NREP: variants seen among roughly 807,000 people sequenced by gnomAD.
NREP encodes the protein neuronal regeneration-related protein.
A neutral mutation model predicts 8.6 loss-of-function variants in NREP; 5 were observed. The observed-to-expected ratio is 0.58, with a 90% CI of 0.30 to 1.22. The LOEUF (loss-of-function observed/expected upper bound fraction) is 1.22, where lower values mean the gene tolerates loss of function less well. Among genes scored for constraint, NREP ranks in the 50% most tolerant of loss-of-function variants. NREP has a pLI of 0.07. For missense variants in NREP, 86 were observed against 82.5 expected, an observed-to-expected ratio of 1.04 and a Z score of -0.17; for synonymous variants, 27 against 28.0, an observed-to-expected ratio of 0.96 and a Z score of 0.11.
upstream of NREP, chr5:111,757,290 G>A (rs968780149): frequency 6.4e-5 from 37 of 580,138 alleles, no homozygotes; most frequent in Non-Finnish European, 7.6e-5. Flanking sequence ...GAAGAGGAGG[G>A]AGGAGGGGGA....
In NREP at chr5:111,780,032, C is replaced by T. The variant is rs111506961; in HGVS notation, c.136-44525G>A. ...ATAGTGCTGGCCGTGATCCAATGCA[C>T]GCTAGTGCAATGCAGAGGGGGAAAT... is the stretch of plus-strand genomic sequence containing the variant. On this transcript the variant is annotated intron_variant, in intron 2 of 3. Coordinates refer to the NREP transcript ENST00000395634. 5.8e-3 allele frequency among the ~76,000 whole-genome samples: 885 copies of T among 152,304 alleles called. 2 individuals are homozygous for T. Among genetic ancestry groups the T allele is most frequent in the Non-Finnish European group, 9.6e-3 (651 of 68,016 alleles).
chr5:111,833,980 G>A (rs1013740767), intron 2 of NREP, among the ~76,000 whole-genome samples: 3 of 152,166 alleles, frequency 2.0e-5, no homozygotes, highest in African/African-American at 7.2e-5. Flanking sequence ...GCAAAGGGTA[G>A]GCAGTTTTAC....
At position 111,955,516 on chromosome 5, in the gene NREP, G is replaced by A. The variant is rs1030910326; in HGVS notation, c.135+19758C>T. Among the ~76,000 whole-genome samples, 12 of 149,520 alleles carry A rather than the reference G, an allele frequency of 8.0e-5. No homozygotes were observed. In the East Asian group the frequency reaches 2.2e-3, roughly 27 times the overall value. On this transcript the variant is annotated intron_variant, in intron 2 of 3. Coordinates refer to the NREP transcript ENST00000395634. ...AAAAACAAAAAAAAAAAACACATTC[G>A]GTTCTAAGACTTGTGATAAGAAAAA...
chr5:111,787,018 T>C (rs1225158548), intron 2 of NREP, among the ~76,000 whole-genome samples: 2 of 152,344 alleles, frequency 1.3e-5, no homozygotes, highest in South Asian at 2.1e-4. Flanking sequence ...ACACTGTTGA[T>C]GGTCTTTGAG....
At chr5:111,956,975 A>ATAAG (rs1221548894) in intron 2 of NREP, among the ~76,000 whole-genome samples, 1 of 151,042 alleles carries the variant, frequency 6.6e-6, no homozygotes, top group Non-Finnish European at 1.5e-5. Flanking sequence ...AAATAAATAA[A>ATAAG]TAAATAAATA....
At chr5:111,823,101 C>T (rs563567072) in intron 2 of NREP, among the ~76,000 whole-genome samples, 13 of 152,216 alleles carry the variant, frequency 8.5e-5, no homozygotes, top group Middle Eastern at 3.4e-3. Flanking sequence ...TAAGGGGATC[C>T]GGTATGTGCA....
At chr5:111,861,642 T>C (rs980528268) in intron 2 of NREP, among the ~76,000 whole-genome samples, 2 of 152,210 alleles carry the variant, frequency 1.3e-5, no homozygotes, top group Non-Finnish European at 2.9e-5. Context: ...TGTATTGCTA[T>C]AGAGAATAAC....
At chr5:111,884,496 C>T (rs1036704129) in intron 2 of NREP, among the ~76,000 whole-genome samples, 1 of 152,094 alleles carries the variant, frequency 6.6e-6, no homozygotes, top group Non-Finnish European at 1.5e-5. Context: ...CATCCTGATA[C>T]CAAAGCCAGG....
chr5:111,883,836 A>C (rs1208696244), intron 2 of NREP, among the ~76,000 whole-genome samples: 1 of 152,184 alleles, frequency 6.6e-6, no homozygotes, highest in Non-Finnish European at 1.5e-5. Flanking sequence ...GTGTAGAGGG[A>C]AATTTATAGC....
chr5:111,915,997 C>G (rs1003336883), intron 2 of NREP, among the ~76,000 whole-genome samples: 2 of 152,038 alleles, frequency 1.3e-5, no homozygotes, highest in African/African-American at 4.8e-5. Context: ...TTTAGGGCAT[C>G]TGCTCTATGC....
At chr5:111,743,523 C>G (rs1332382458) in intron 2 of NREP, among the ~76,000 whole-genome samples, 1 of 152,098 alleles carries the variant, frequency 6.6e-6, no homozygotes, top group Admixed American at 6.6e-5. Flanking sequence ...AATATGACAT[C>G]TTGTGATGTT....
intron 2 of NREP, among the ~76,000 whole-genome samples, chr5:111,901,035 C>T (rs1754634782): frequency 6.6e-6 from 1 of 152,074 alleles, no homozygotes; most frequent in Non-Finnish European, 1.5e-5. Context: ...CTGCATCCAA[C>T]AACGTATCAA....
intron 2 of NREP, among the ~76,000 whole-genome samples, chr5:111,812,946 AG>A (rs1752302745): frequency 6.6e-6 from 1 of 152,216 alleles, no homozygotes; most frequent in Non-Finnish European, 1.5e-5. Context: ...GCTAGGCCAT[AG>A]TCAATAGATA....
chr5:111,781,185 C>A (rs1288796402), intron 2 of NREP, among the ~76,000 whole-genome samples: 1 of 152,038 alleles, frequency 6.6e-6, no homozygotes, highest in Non-Finnish European at 1.5e-5. Flanking sequence ...TCTGTTTGAA[C>A]CTTGTAGATC....
chr5:111,962,852 G>T (rs927557591), intron 2 of NREP, among the ~76,000 whole-genome samples: 1 of 152,150 alleles, frequency 6.6e-6, no homozygotes, highest in African/African-American at 2.4e-5. Flanking sequence ...TTAAGGGAAG[G>T]TTATCTGCCT....
intron 2 of NREP, among the ~76,000 whole-genome samples, chr5:111,809,184 T>C (rs1752211677): frequency 6.6e-6 from 1 of 152,194 alleles, no homozygotes; most frequent in South Asian, 2.1e-4. Flanking sequence ...CTACTTCTCT[T>C]TGTATCTTCC....
At chr5:111,885,627 T>C (rs1220843799) in intron 2 of NREP, among the ~76,000 whole-genome samples, 2 of 152,126 alleles carry the variant, frequency 1.3e-5, no homozygotes, top group Admixed American at 6.5e-5. Flanking sequence ...AACAGAGATA[T>C]AGATCAATGG....
chr5:111,747,551 A>ACTT, intron 2 of NREP, among the ~76,000 whole-genome samples: 1 of 152,156 alleles, frequency 6.6e-6, no homozygotes, highest in African/African-American at 2.4e-5. Context: ...CCACAGCAAA[A>ACTT]CTTCTGTGCA....
chr5:111,815,325 A>C (rs1035156323), intron 2 of NREP, among the ~76,000 whole-genome samples: 1 of 152,164 alleles, frequency 6.6e-6, no homozygotes, highest in African/African-American at 2.4e-5. Flanking sequence ...CATCCCCATA[A>C]CTGATTGGAT....
Sources: allele counts gnomAD v4.1 joint callset (sites outside exome capture counted in the v4.1 genomes callset), GRCh38; gene constraint gnomAD v4.1.1; transcripts MANE v1.5; gene names NCBI Gene and HGNC (gene_info 2026-07-23, HGNC 2026-07-21).